TRANK1: variants seen among roughly 807,000 people sequenced by gnomAD.
TRANK1 encodes the protein tetratricopeptide repeat and ankyrin repeat containing 1.
Under a neutral mutation model 266.0 loss-of-function variants are expected in TRANK1, and 198 were observed. The observed-to-expected ratio is 0.74, with a 90% CI of 0.66 to 0.84. The LOEUF (loss-of-function observed/expected upper bound fraction) is 0.84. TRANK1 is among the 40% of genes least tolerant of loss of function. The pLI is 0.00. For missense variants in TRANK1, 3,326 were observed against 3,634.6 expected, an observed-to-expected ratio of 0.92 and a Z score of 2.18; for synonymous variants, 1,396 against 1,384.1, an observed-to-expected ratio of 1.01 and a Z score of -0.19.
intron 18 of TRANK1, among the ~76,000 whole-genome samples, chr3:36,841,117 C>G (rs1486338546): frequency 1.3e-5 from 2 of 152,234 alleles, no homozygotes; most frequent in African/African-American, 4.8e-5. Context: ...CTTGTGATTT[C>G]ATTGTCCTCA....
At chr3:36,917,504 G>A (rs6769400) in intron 1 of TRANK1, among the ~76,000 whole-genome samples, 57,062 of 151,940 alleles carry the variant, frequency 0.38, 11,260 homozygotes, top group Non-Finnish European at 0.45. Flanking sequence ...GGTCATCCCC[G>A]TACCAGGACC....
chr3:36,940,946 G>A (rs750594783), intron 1 of TRANK1, among the ~76,000 whole-genome samples: 11 of 152,180 alleles, frequency 7.2e-5, no homozygotes, highest in Non-Finnish European at 1.5e-4. Context: ...GTCCCTAGAA[G>A]TCATCAGTGA....
chr3:36,875,462 A>G (rs529165679), intron 8 of TRANK1, among the ~76,000 whole-genome samples: 9 of 152,378 alleles, frequency 5.9e-5, no homozygotes, highest in African/African-American at 1.9e-4. Context: ...TTCCACAACC[A>G]TGTGAGCTTA....
intron 16 of TRANK1, among the ~76,000 whole-genome samples, 179 bp downstream of exon 16, chr3:36,847,021 T>TA (rs528252447): frequency 8.6e-5 from 13 of 151,868 alleles, no homozygotes; most frequent in Admixed American, 2.6e-4. Context: ...AGTTCTCTAC[T>TA]AAAAAAAATG....
At position 36,899,080 on chromosome 3, in the gene TRANK1, T is replaced by C. The variant is rs774615524; in HGVS notation, c.433+29A>G. Reference sequence around the variant, plus strand: ...TATTTCAATAAAATAGCAAGGACTTTACAAAAAGTCTCCCCAGTTCCAACT... The same window carrying C: ...TATTTCAATAAAATAGCAAGGACTTCACAAAAAGTCTCCCCAGTTCCAACT... On this transcript the variant is annotated intron_variant, in intron 4 of 23. Transcript: ENST00000645898. 2.0e-5 allele frequency: 31 copies of C among 1,535,450 alleles called. No individual in the cohort carries two copies. The African/African-American group carries it at 2.1e-4, about 10-fold the overall frequency.
At chr3:36,886,886 A>G in intron 8 of TRANK1, among the ~76,000 whole-genome samples, 1 of 142,950 alleles carries the variant, frequency 7.0e-6, no homozygotes, top group South Asian at 2.3e-4. Context: ...TCTTCCTTCC[A>G]CCTACATTTT....
chr3:36,828,829 C>T lies in TRANK1; in HGVS notation c.8810-454G>A, dbSNP rs527522534. Among the ~76,000 whole-genome samples the T allele has an allele frequency of 4.6e-5, 7 of 152,262 alleles. No homozygotes were observed. The East Asian group carries it at 1.3e-3, about 29-fold the overall frequency. On this transcript the variant is annotated intron_variant, in intron 23 of 23. Coordinates refer to ENST00000645898, the MANE Select transcript of TRANK1 (RefSeq NM_001329998.2). ...GAAATACACATCACAAAATCCAAGACCCCAGAAGGGACTAAATGCTAAAGA... is the reference window on the plus strand; with the variant it reads ...GAAATACACATCACAAAATCCAAGATCCCAGAAGGGACTAAATGCTAAAGA...
chr3:36,878,151 A>C (rs1188921287), intron 8 of TRANK1, among the ~76,000 whole-genome samples: 1 of 152,210 alleles, frequency 6.6e-6, no homozygotes, highest in Admixed American at 6.5e-5. Flanking sequence ...AAGCAGCAGC[A>C]TTAGATTCTT....
chr3:36,897,671 CAT>C (rs1474548205), intron 4 of TRANK1, among the ~76,000 whole-genome samples: 25 of 152,350 alleles, frequency 1.6e-4, no homozygotes, highest in Admixed American at 1.2e-3. Flanking sequence ...GAAATTCTAA[CAT>C]GTGCCATTTT....
At chr3:36,934,943 T>C (rs1215976679) in intron 1 of TRANK1, among the ~76,000 whole-genome samples, 2 of 152,080 alleles carry the variant, frequency 1.3e-5, no homozygotes, top group Non-Finnish European at 2.9e-5. Flanking sequence ...TACTGCAAAA[T>C]TGGCCTTTTC....
intron 11 of TRANK1, among the ~76,000 whole-genome samples, chr3:36,860,263 G>A (rs1318940606): frequency 1.3e-5 from 2 of 152,174 alleles, no homozygotes; most frequent in Admixed American, 6.5e-5. Context: ...AGTCATAAAT[G>A]GCATGTCCAA....
At chr3:36,881,687 C>T (rs1190599592) in intron 8 of TRANK1, among the ~76,000 whole-genome samples, 1 of 152,134 alleles carries the variant, frequency 6.6e-6, no homozygotes, top group Non-Finnish European at 1.5e-5. Flanking sequence ...CAACCATCAC[C>T]ACTGTCCAAT....
chr3:36,905,928 G>A (rs1430863012), intron 2 of TRANK1, among the ~76,000 whole-genome samples: 2 of 152,176 alleles, frequency 1.3e-5, no homozygotes, highest in African/African-American at 4.8e-5. Context: ...CAGGTGATGG[G>A]CAAGGGGAAC....
intron 15 of TRANK1, among the ~76,000 whole-genome samples, chr3:36,848,777 G>A (rs2078947985): frequency 6.6e-6 from 1 of 152,190 alleles, no homozygotes; most frequent in Non-Finnish European, 1.5e-5. Flanking sequence ...AAGCTATGCA[G>A]ACAACAAAAT....
At position 36,912,558 on chromosome 3, in the gene TRANK1, C is replaced by T. The variant is rs187650694; in HGVS notation, c.24-4104G>A. ...CACTATGTCTCTATGAGAATTCAAA[C>T]TCTAGTTGTTGGAAGCTGTCACAGG... On this transcript the variant is annotated intron_variant, in intron 1 of 23. Coordinates refer to ENST00000645898, the MANE Select transcript of TRANK1 (RefSeq NM_001329998.2). Among the ~76,000 whole-genome samples the T allele has an allele frequency of 8.5e-5, 13 of 152,318 alleles. No homozygotes were observed. The East Asian group carries it at 2.5e-3, about 29-fold the overall frequency.
intron 1 of TRANK1, among the ~76,000 whole-genome samples, chr3:36,942,887 A>C (rs996047187): frequency 6.6e-6 from 1 of 151,950 alleles, no homozygotes; most frequent in South Asian, 2.1e-4. Flanking sequence ...AAAAAAAAAA[A>C]AAACATAGAA....
At chr3:36,897,014 C>T (rs969902483) in intron 4 of TRANK1, among the ~76,000 whole-genome samples, 5 of 150,064 alleles carry the variant, frequency 3.3e-5, no homozygotes, top group Non-Finnish European at 4.4e-5. Flanking sequence ...ATAAAAGATG[C>T]AGAGAAACCG....
Position 36,872,570 on chromosome 3 carries a change from G to C in TRANK1, c.1078+1556C>G, listed in dbSNP as rs538638865. 1.0e-3 allele frequency among the ~76,000 whole-genome samples: 156 copies of C among 152,162 alleles called. 1 individual carries two copies. Among genetic ancestry groups the C allele is most frequent in the Non-Finnish European group, 1.1e-3 (78 of 68,016 alleles). Reference sequence around the variant, plus strand: ...TGCTATAGATAAGAAACAATCAAAAGAGTTCTAGAAATTAAAACTATAATT... The same window carrying C: ...TGCTATAGATAAGAAACAATCAAAACAGTTCTAGAAATTAAAACTATAATT... On this transcript the variant is annotated intron_variant, in intron 9 of 23. Coordinates refer to ENST00000645898, the MANE Select transcript of TRANK1 (RefSeq NM_001329998.2).
chr3:36,944,799 G>C lies in TRANK1; in HGVS notation c.11C>G (p.Pro4Arg). The change falls in exon 1 of 24, where the codon CCG (proline) becomes CGG (arginine). Residue 4 changes from proline (P) to arginine (R), a missense_variant. By Grantham distance (103) the Pro-to-Arg change is moderately radical. Transcript: ENST00000645898. MWD[P>R]RAARMDLTAY... Reference sequence around the variant, plus strand: ...CGCCGCTACGCACCTAGCTGCCCGCGGGTCCCACATGGCTGCGGCCGGAGG... The same window carrying C: ...CGCCGCTACGCACCTAGCTGCCCGCCGGTCCCACATGGCTGCGGCCGGAGG... 1 of 1,493,196 alleles carries C rather than the reference G, an allele frequency of 6.7e-7. No individual in the cohort carries two copies. Among genetic ancestry groups the C allele is most frequent in the Non-Finnish European group, 8.9e-7 (1 of 1,128,466 alleles). 92.5% of individuals were successfully genotyped at this position (1,493,196 alleles called of 1,614,324 possible).
Sources: gnomAD v4.1 joint callset for allele counts (sites outside exome capture counted in the v4.1 genomes callset) on GRCh38, gnomAD v4.1.1 for gene constraint, MANE v1.5 for transcripts, NCBI Gene and HGNC (gene_info 2026-07-23, HGNC 2026-07-21) for gene names.